Variants in PTPRN2 observed in about 807,000 individuals in gnomAD.
PTPRN2 encodes receptor-type tyrosine-protein phosphatase N2.
A neutral mutation model predicts 118.8 loss-of-function variants in PTPRN2; 74 were observed. The observed-to-expected ratio is 0.62, with a 90% confidence interval of 0.52 to 0.76. The LOEUF is 0.76. Among genes scored for constraint, PTPRN2 ranks in the 30% least tolerant of loss-of-function variants. The pLI is 0.00. For synonymous variants in PTPRN2, 641 were observed against 608.0 expected (o/e 1.05, Z -0.80); for missense variants, 1,481 against 1,394.4 (o/e 1.06, Z -0.99).
intron 11 of PTPRN2, among the ~76,000 whole-genome samples, chr7:157,993,368 A>G (rs10949684): frequency 0.25 from 38,180 of 151,172 alleles, 5,242 homozygotes; most frequent in East Asian, 0.57. Flanking sequence ...AGCCTCCGCA[A>G]AAAAAGACCC....
At position 158,407,275 on chromosome 7, in the gene PTPRN2, T is replaced by C. The variant is rs1401672761; in HGVS notation, c.163+82460A>G. On this transcript the variant is annotated intron_variant, in intron 2 of 22. Transcript: ENST00000389418. ...GTCCTGGGTCCTGGGTCCTGGGTCC[T>C]GGGTCCTGGGTCCTGGGTCCTGCGT... 4.3e-3 allele frequency among the ~76,000 whole-genome samples: 198 copies of C among 45,712 alleles called. 2 individuals are homozygous for C. Among genetic ancestry groups the C allele is most frequent in the Non-Finnish European group, 6.0e-3 (147 of 24,452 alleles). The allele number at this position is 45,712 out of a possible 152,430, so 30.0% of individuals were successfully genotyped here.
At chr7:158,406,582 G>A (rs1813459662) in intron 2 of PTPRN2, among the ~76,000 whole-genome samples, 1 of 152,236 alleles carries the variant, frequency 6.6e-6, no homozygotes, top group Admixed American at 6.5e-5. Flanking sequence ...CCCAGGGCAG[G>A]TGCCGCTCTG....
chr7:157,915,064 C>G (rs1311907201), intron 11 of PTPRN2, among the ~76,000 whole-genome samples: 1 of 152,088 alleles, frequency 6.6e-6, no homozygotes, highest in Non-Finnish European at 1.5e-5. Context: ...CTCCTATGTT[C>G]CTTTAATCAT....
At chr7:157,860,716 A>G (rs1306995976) in intron 12 of PTPRN2, among the ~76,000 whole-genome samples, 2 of 152,260 alleles carry the variant, frequency 1.3e-5, no homozygotes, top group Non-Finnish European at 2.9e-5. Flanking sequence ...AGAGCTAGAC[A>G]ATTACTCTGT....
At chr7:157,730,254 TTGCTCTTTAACTG>T in intron 12 of PTPRN2, among the ~76,000 whole-genome samples, 1 of 151,080 alleles carries the variant, frequency 6.6e-6, no homozygotes, top group East Asian at 2.0e-4. Context: ...GGAATCAGAG[TTGCTCTTTAACTG>T]TGTCTGGCTT....
Position 157,808,520 on chromosome 7 carries a change from T to C in PTPRN2, c.1788+90153A>G, listed in dbSNP as rs111476741. ...AGGTTGCACGCTCCTTATGAAAATC[T>C]AATGCCTGATGATCTGTCACTGTCT... is the stretch of plus-strand genomic sequence containing the variant. On this transcript the variant is annotated intron_variant, in intron 12 of 22. Transcript: ENST00000389418. This position sits in a 1 kb window ranked among gnomAD's most constrained non-coding sequence, Gnocchi z 5.0. Among the ~76,000 whole-genome samples, 627 of 152,260 alleles carry C rather than the reference T, an allele frequency of 4.1e-3. 3 individuals carry two copies. Among genetic ancestry groups the C allele is most frequent in the Non-Finnish European group, 7.0e-3 (475 of 68,020 alleles).
chr7:158,005,758 C>T (rs1033585980), intron 11 of PTPRN2, among the ~76,000 whole-genome samples: 1 of 152,100 alleles, frequency 6.6e-6, no homozygotes, highest in African/African-American at 2.4e-5. Flanking sequence ...CAGGAAGGGC[C>T]CACCGTGGTT....
At chr7:158,235,735 C>G (rs1378029618) in intron 3 of PTPRN2, among the ~76,000 whole-genome samples, 2 of 152,168 alleles carry the variant, frequency 1.3e-5, no homozygotes, top group African/African-American at 4.8e-5. Context: ...CAAAAGAGAA[C>G]AGCTTGACTG....
At chr7:158,134,193 G>T in intron 8 of PTPRN2, 134 bp from the exon 9 acceptor site, 1 of 1,013,390 alleles carries the variant, frequency 9.9e-7, no homozygotes, top group East Asian at 2.5e-5. Context: ...TGGGAGGAAG[G>T]CGAAGTGTGT....
At chr7:158,226,073 A>C (rs1224917169) in intron 3 of PTPRN2, among the ~76,000 whole-genome samples, 1 of 152,318 alleles carries the variant, frequency 6.6e-6, no homozygotes, top group Admixed American at 6.5e-5. Flanking sequence ...TAAAATTAAA[A>C]ATTTAAAGAT....
At chr7:158,160,592 C>G (rs1457116089) in intron 6 of PTPRN2, among the ~76,000 whole-genome samples, 1 of 152,218 alleles carries the variant, frequency 6.6e-6, no homozygotes, top group Non-Finnish European at 1.5e-5. Context: ...GATCTCAGCT[C>G]TTCGACTGTT....
intron 12 of PTPRN2, among the ~76,000 whole-genome samples, chr7:157,876,547 T>G (rs1795778589): frequency 6.6e-6 from 1 of 152,172 alleles, no homozygotes; most frequent in African/African-American, 2.4e-5. Context: ...TAAACGGCCC[T>G]AGAAGACGTT....
In PTPRN2 at chr7:158,032,592, C is replaced by T. The variant is rs186660916; in HGVS notation, c.1723+48706G>A. ...TATGCAATAGACTCGGGCTGGACAC[C>T]GAGAATCTCAACTGGGTCAATTCAG... On this transcript the variant is annotated intron_variant, in intron 11 of 22. Transcript: ENST00000389418. Among the ~76,000 whole-genome samples the T allele has an allele frequency of 2.5e-4, 38 of 152,194 alleles. No homozygotes were observed. The East Asian group carries it at 3.3e-3, about 13-fold the overall frequency.
At chr7:158,233,113 T>C (rs926358972) in intron 3 of PTPRN2, among the ~76,000 whole-genome samples, 1 of 152,062 alleles carries the variant, frequency 6.6e-6, no homozygotes, top group African/African-American at 2.4e-5. Context: ...GGCACCCAAA[T>C]TGGAAAGGAA....
intron 3 of PTPRN2, among the ~76,000 whole-genome samples, chr7:158,210,545 T>C (rs1234097170): frequency 7.2e-5 from 11 of 151,994 alleles, no homozygotes; most frequent in Non-Finnish European, 1.3e-4. Flanking sequence ...AAGTTGGTTT[T>C]TGAAAAGATA....
intron 3 of PTPRN2, among the ~76,000 whole-genome samples, chr7:158,217,832 G>A (rs1196906390): frequency 6.6e-6 from 1 of 152,160 alleles, no homozygotes; most frequent in Non-Finnish European, 1.5e-5. Flanking sequence ...ACCAAGCTGA[G>A]AGAAGAATTT....
intron 2 of PTPRN2, among the ~76,000 whole-genome samples, chr7:158,458,451 G>A (rs1466303260): frequency 6.6e-6 from 1 of 152,116 alleles, no homozygotes; most frequent in African/African-American, 2.4e-5. Flanking sequence ...TTTGTCAAGA[G>A]GTGTGGCCTG....
At chr7:157,713,790 G>C (rs1417017027) in intron 12 of PTPRN2, among the ~76,000 whole-genome samples, 1 of 152,232 alleles carries the variant, frequency 6.6e-6, no homozygotes, top group Non-Finnish European at 1.5e-5. Flanking sequence ...CGGAGCCACA[G>C]AACTGGTCTG....
intron 1 of PTPRN2, among the ~76,000 whole-genome samples, chr7:158,533,794 C>T (rs1013413134): frequency 2.6e-5 from 4 of 152,224 alleles, no homozygotes; most frequent in Non-Finnish European, 4.4e-5. Flanking sequence ...CACAATGCCT[C>T]GGGGATTTCC....
Sources: allele counts gnomAD v4.1 joint callset (sites outside exome capture counted in the v4.1 genomes callset), GRCh38; gene constraint gnomAD v4.1.1; non-coding constraint Gnocchi (gnomAD v3.1); transcripts MANE v1.5; gene names NCBI Gene and HGNC (gene_info 2026-07-23, HGNC 2026-07-21).